The following BRSK1 variants were observed in gnomAD, a reference collection of about 807,000 sequenced individuals.
BRSK1 encodes BR serine/threonine kinase 1.
In BRSK1, 17 loss-of-function variants were observed where a neutral mutation model predicts 86.2. The ratio of observed to expected loss-of-function variants is 0.20; its 90% CI spans 0.14 to 0.30. The LOEUF (loss-of-function observed/expected upper bound fraction) is 0.30, where lower values mean the gene tolerates loss of function less well. Ranked by LOEUF, BRSK1 falls within the 10% of genes least tolerant of loss-of-function variation. The pLI is 1.00. For synonymous variants in BRSK1, 464 were observed against 440.1 expected, an observed-to-expected ratio of 1.05 and a Z score of -0.68; for missense variants, 719 against 1,071.9, an observed-to-expected ratio of 0.67 and a Z score of 4.60.
chr19:55,295,054 G>T (rs1600177651), intron 7 of BRSK1, among the ~76,000 whole-genome samples: 1 of 152,020 alleles, frequency 6.6e-6, no homozygotes, highest in Non-Finnish European at 1.5e-5. Context: ...CACCCTCCTC[G>T]GCCTCCCAGA....
rs1341476971 is a variant in BRSK1 at position 55,302,283 on chromosome 19, G to C, written c.857+115G>C. ...AGGGTTCCTGAGAGGCAACGGGCTA[G>C]GGACTCGGACTTATGGGTCCTGGGG... On this transcript the variant is annotated intron_variant, in intron 9 of 18. Coordinates refer to ENST00000309383, the MANE Select transcript of BRSK1 (RefSeq NM_032430.2). This position sits in a 1 kb window ranked among gnomAD's most constrained non-coding sequence, Gnocchi z 6.3. 8.1e-7 allele frequency: 1 copy of C among 1,238,898 alleles called. No individual in the cohort carries two copies. Among genetic ancestry groups the C allele is most frequent in the African/African-American group, 1.5e-5 (1 of 67,400 alleles). The allele number at this position is 1,238,898 out of a possible 1,614,324, so 76.7% of individuals were successfully genotyped here.
Position 55,306,554 on chromosome 19 carries a change from T to G in BRSK1, c.2089+104T>G. The stretch of plus-strand genomic sequence containing the variant: ...GTGCAGCAGCAGGAGGAGGAAATGG[T>G]GTTCAGCTGGTGCCGACTCTCTGTG... On this transcript the variant is annotated intron_variant, in intron 17 of 18. Coordinates refer to ENST00000309383, the MANE Select transcript of BRSK1 (RefSeq NM_032430.2). The surrounding 1 kb of genome is among the most constrained non-coding windows in gnomAD (Gnocchi z 4.7). 1.5e-6 allele frequency: 2 copies of G among 1,373,204 alleles called. No individual in the cohort carries two copies. The highest frequency in any genetic ancestry group is 1.4e-5 in the African/African-American group (1 of 70,234). The allele number at this position is 1,373,204 out of a possible 1,614,324, so 85.1% of individuals were successfully genotyped here.
rs528802261 is a variant in BRSK1 at position 55,292,983 on chromosome 19, G to A, written c.459-1034G>A. 4.2e-4 allele frequency among the ~76,000 whole-genome samples: 64 copies of A among 152,218 alleles called. No homozygotes were observed. The Middle Eastern group carries it at 0.017, about 40-fold the overall frequency. On this transcript the variant is annotated intron_variant, in intron 4 of 18. Transcript: ENST00000309383. ...TGACTGTGGTACTGCACTCCAGGCC[G>A]GGCAACAGAAAGGGACCCCATCTCT...
rs2088582501 is a variant in BRSK1 at position 55,302,245 on chromosome 19, G to C, written c.857+77G>C. On this transcript the variant is annotated intron_variant, in intron 9 of 18. Transcript: ENST00000309383. The surrounding 1 kb of genome is among the most constrained non-coding windows in gnomAD (Gnocchi z 6.3). ...GCCAAAGCAGTAGAAGCGGCTGGGA[G>C]GGGTGGGATGCCAGGGTTCCTGAGA... 6.4e-7 allele frequency: 1 copy of C among 1,554,234 alleles called. No homozygotes were observed. The highest frequency in any genetic ancestry group is 8.9e-7 in the Non-Finnish European group (1 of 1,126,016).
intron 7 of BRSK1, among the ~76,000 whole-genome samples, chr19:55,298,212 T>C (rs369937777): frequency 6.9e-4 from 31 of 44,926 alleles, no homozygotes; most frequent in African/African-American, 1.9e-3. Flanking sequence ...GTTTCTTCTT[T>C]TTTTTTTTTT....
intron 1 of BRSK1, 124 bp downstream of exon 1, chr19:55,284,702 G>C (rs2088282138): frequency 2.3e-6 from 2 of 868,794 alleles, no homozygotes; most frequent in South Asian, 1.1e-4. Flanking sequence ...TCATAGAGAA[G>C]GGACTTGGGA....
At chr19:55,296,268 G>A (rs183041663) in intron 7 of BRSK1, among the ~76,000 whole-genome samples, 2 of 152,108 alleles carry the variant, frequency 1.3e-5, no homozygotes, top group East Asian at 1.9e-4. Flanking sequence ...CTTCCCTTCT[G>A]TATCATCAAC....
At position 55,287,382 on chromosome 19, in the gene BRSK1, G is replaced by A; in HGVS notation, c.317+83G>A. ...GGGACTTCTCCAGAAACAGGGCCTA[G>A]GGGGACCTGGGGGACCTGCAGCTCT... is the stretch of plus-strand genomic sequence containing the variant. On this transcript the variant is annotated intron_variant, in intron 3 of 18. Coordinates refer to ENST00000309383, the MANE Select transcript of BRSK1 (RefSeq NM_032430.2). This position sits in a 1 kb window ranked among gnomAD's most constrained non-coding sequence, Gnocchi z 5.3. 1 of 1,210,024 alleles carries A rather than the reference G, an allele frequency of 8.3e-7. No homozygotes were observed. Among genetic ancestry groups the A allele is most frequent in the Non-Finnish European group, 1.2e-6 (1 of 826,628 alleles). The allele number at this position is 1,210,024 out of a possible 1,614,324, so 75.0% of individuals were successfully genotyped here. A position where few individuals can be genotyped will look rare whatever the true frequency, so the allele number is the denominator to read the frequency against.
intron 1 of BRSK1, among the ~76,000 whole-genome samples, chr19:55,286,404 C>T (rs1271621336): frequency 1.3e-5 from 2 of 151,236 alleles, no homozygotes; most frequent in Non-Finnish European, 2.9e-5. Context: ...TGTCTGTGTG[C>T]TGTCTGTTAG....
chr19:55,294,189 G>A lies in BRSK1; in HGVS notation c.576-25G>A. The A allele has an allele frequency of 6.2e-7, 1 of 1,612,404 alleles. No homozygotes were observed. The highest frequency in any genetic ancestry group is 8.5e-7 in the Non-Finnish European group (1 of 1,178,672). ...GGCAGGGGTTTAGAAGCTGGCTGGAGGCTCACATCAGCTCTCTCCCTCAGG... is the reference window on the plus strand; with the variant it reads ...GGCAGGGGTTTAGAAGCTGGCTGGAAGCTCACATCAGCTCTCTCCCTCAGG... On this transcript the variant is annotated intron_variant, in intron 5 of 18. Transcript: ENST00000309383. The surrounding 1 kb of genome is among the most constrained non-coding windows in gnomAD (Gnocchi z 4.9).
At position 55,297,953 on chromosome 19, in the gene BRSK1, C is replaced by T. The variant is rs567218223; in HGVS notation, c.678+3556C>T. Among the ~76,000 whole-genome samples, 557 of 152,072 alleles carry T rather than the reference C, an allele frequency of 3.7e-3. 2 individuals are homozygous for T. The highest frequency in any genetic ancestry group is 0.013 in the African/African-American group (522 of 41,468). ...TCAGCCTCCCAAGTAGCTGGGACTA[C>T]AGGCACCTGCTACCATGCCTGGCTA... On this transcript the variant is annotated intron_variant, in intron 7 of 18. Coordinates refer to ENST00000309383, the MANE Select transcript of BRSK1 (RefSeq NM_032430.2).
chr19:55,301,923 A>G, intron 8 of BRSK1: 1 of 790,720 alleles, frequency 1.3e-6, no homozygotes, highest in African/African-American at 1.7e-5. Context: ...GCATGCGGCA[A>G]AGTAATGCGG....
At chr19:55,311,108 C>T (rs371265814) in intron 18 of BRSK1, among the ~76,000 whole-genome samples, 22 of 152,050 alleles carry the variant, frequency 1.4e-4, no homozygotes, top group African/African-American at 4.6e-4. Context: ...ATTACAGGTG[C>T]GTGCCACCAC....
At position 55,294,302 on chromosome 19, in the gene BRSK1, G is replaced by C. The variant is rs568960841; in HGVS notation, c.610-27G>C. 6.2e-7 allele frequency: 1 copy of C among 1,614,166 alleles called. No homozygotes were observed. The highest frequency in any genetic ancestry group is 1.7e-5 in the Admixed American group (1 of 60,014). On this transcript the variant is annotated intron_variant, in intron 6 of 18. Transcript: ENST00000309383. The surrounding 1 kb of genome is among the most constrained non-coding windows in gnomAD (Gnocchi z 4.9). ...GGTGGAGGCAGCAGTGAGGAGCGAT[G>C]AAGTCACAACTGGCCTTCCCTTCCA...
At chr19:55,293,447 A>C (rs796246228) in intron 4 of BRSK1, among the ~76,000 whole-genome samples, 19 of 152,052 alleles carry the variant, frequency 1.2e-4, no homozygotes, top group South Asian at 4.1e-4. Context: ...GGTTGCAGTG[A>C]GCCGAGATCA....
Position 55,302,060 on chromosome 19 carries a change from C to A in BRSK1, c.826-77C>A, listed in dbSNP as rs747079484. 21 of 1,555,148 alleles carry A rather than the reference C, an allele frequency of 1.4e-5. No individual in the cohort carries two copies. Among genetic ancestry groups the A allele is most frequent in the East Asian group, 2.2e-5 (1 of 44,588 alleles). On this transcript the variant is annotated intron_variant, in intron 8 of 18. Coordinates refer to ENST00000309383, the MANE Select transcript of BRSK1 (RefSeq NM_032430.2). This position sits in a 1 kb window ranked among gnomAD's most constrained non-coding sequence, Gnocchi z 6.3. ...GGGAGATGATCAGGGACCCCAAAAC[C>A]ACCCCAGTCTTTCATTGCGCGCCTA...
In BRSK1 at chr19:55,311,944, G is replaced by A. The variant is rs1600204200; in HGVS notation, c.2213G>A (p.Gly738Asp). 10 of 1,611,138 alleles carry A rather than the reference G, an allele frequency of 6.2e-6. No homozygotes were observed. In the East Asian group the frequency reaches 2.2e-4, roughly 36 times the overall value. Residue 738 changes from glycine to aspartate, a missense_variant, in exon 19 of 19, where the codon GGT becomes GAT. By Grantham distance (94) the Gly-to-Asp change is moderately conservative (BLOSUM62 -1). Transcript: ENST00000309383. ...EKNGAQTRPAGAPPRSLQPPP... is the reference protein window; with the variant it reads ...EKNGAQTRPADAPPRSLQPPP... ...AACGGGGCCCAGACCCGGCCTGCTG[G>A]TGCCCCACCCCGAAGCCTGCAGCCC...
chr19:55,284,265 C>T lies in BRSK1; in HGVS notation c.-178C>T. 1 of 491,782 alleles carries T rather than the reference C, an allele frequency of 2.0e-6. No homozygotes were observed. The highest frequency in any genetic ancestry group is 3.2e-6 in the Non-Finnish European group (1 of 317,270). 30.5% of individuals were successfully genotyped at this position (491,782 alleles called of 1,614,324 possible). ...ACCCCCCCGGGCCAGCCCCCCCTCC[C>T]CCAGCTCCGCGGCCCGCCGACTGGG... On this transcript the variant is annotated 5_prime_UTR_variant, in exon 1 of 19. Coordinates refer to ENST00000309383, the MANE Select transcript of BRSK1 (RefSeq NM_032430.2).
Position 55,312,018 on chromosome 19 carries a change from C to T in BRSK1, c.2287C>T (p.Pro763Ser), listed in dbSNP as rs1430538066. ...PELSSSPRRG[P>S]PKDKKLLATN... ...GCTGAGCAGCTCTCCCCGCCGAGGC[C>T]CCCCCAAGGACAAGAAGCTCCTGGC... The change falls in exon 19 of 19, where the codon CCC becomes TCC. Residue 763 changes from proline to serine, a missense_variant. Coordinates refer to ENST00000309383, the MANE Select transcript of BRSK1 (RefSeq NM_032430.2). 1 of 1,514,698 alleles carries T rather than the reference C, an allele frequency of 6.6e-7. No homozygotes were observed. The highest frequency in any genetic ancestry group is 2.2e-5 in the Admixed American group (1 of 44,688). 93.8% of individuals were successfully genotyped at this position (1,514,698 alleles called of 1,614,324 possible).
Sources: gnomAD v4.1 joint callset for allele counts (sites outside exome capture counted in the v4.1 genomes callset) on GRCh38, gnomAD v4.1.1 for gene constraint, Gnocchi (gnomAD v3.1) non-coding constraint, MANE v1.5 for transcripts, NCBI Gene and HGNC (gene_info 2026-07-23, HGNC 2026-07-21) for gene names.